SGMS1: variants seen among roughly 807,000 people sequenced by gnomAD.
SGMS1 encodes phosphatidylcholine:ceramide cholinephosphotransferase 1.
In SGMS1, 13 loss-of-function variants were observed where a neutral mutation model predicts 46.2. The observed-to-expected ratio is 0.28, with a 90% CI of 0.18 to 0.45. SGMS1 has a LOEUF of 0.45. SGMS1 is among the 20% of genes least tolerant of loss of function. The pLI is 1.00. For missense variants in SGMS1, 324 were observed against 519.9 expected, an observed-to-expected ratio of 0.62 and a Z score of 3.66; for synonymous variants, 203 against 187.8, an observed-to-expected ratio of 1.08 and a Z score of -0.66.
chr10:50,365,545 C>T (rs111275019), intron 6 of SGMS1, among the ~76,000 whole-genome samples: 8 of 152,216 alleles, frequency 5.3e-5, no homozygotes, highest in African/African-American at 1.9e-4. Flanking sequence ...TTAAGTACCA[C>T]ATGCATTTGT....
chr10:50,562,397 C>G (rs569757867), intron 2 of SGMS1, among the ~76,000 whole-genome samples: 1 of 151,750 alleles, frequency 6.6e-6, no homozygotes, highest in Non-Finnish European at 1.5e-5. Flanking sequence ...GGCGCGCATG[C>G]GCACTCTTAC....
intron 6 of SGMS1, among the ~76,000 whole-genome samples, chr10:50,398,953 C>A (rs1848890154): frequency 6.6e-6 from 1 of 151,690 alleles, no homozygotes; most frequent in Admixed American, 6.6e-5. Context: ...TATGAAATGT[C>A]CAGGACCGGA....
chr10:50,367,585 C>T (rs1848366527), intron 6 of SGMS1, among the ~76,000 whole-genome samples: 1 of 151,464 alleles, frequency 6.6e-6, no homozygotes, highest in Non-Finnish European at 1.5e-5. Context: ...TTAAGAAAAG[C>T]ACATGTAGAT....
At chr10:50,525,135 T>A (rs190788421) in intron 2 of SGMS1, among the ~76,000 whole-genome samples, 7 of 152,244 alleles carry the variant, frequency 4.6e-5, no homozygotes, top group African/African-American at 1.7e-4. Flanking sequence ...GAGGAAAGAA[T>A]CTGGAATATT....
At chr10:50,431,035 C>T (rs191685700) in intron 6 of SGMS1, among the ~76,000 whole-genome samples, 5 of 152,148 alleles carry the variant, frequency 3.3e-5, no homozygotes, top group Admixed American at 6.5e-5. Flanking sequence ...CCACATAAGG[C>T]CCATTCTGTT....
chr10:50,425,506 A>C (rs1849313420), intron 6 of SGMS1, among the ~76,000 whole-genome samples: 1 of 152,222 alleles, frequency 6.6e-6, no homozygotes, highest in Non-Finnish European at 1.5e-5. Flanking sequence ...CAGAAAACCA[A>C]ATACCACATA....
intron 6 of SGMS1, among the ~76,000 whole-genome samples, chr10:50,353,673 T>TTTA (rs1394976645): frequency 6.6e-6 from 1 of 152,292 alleles, no homozygotes; most frequent in African/African-American, 2.4e-5. Flanking sequence ...ATGACATGAT[T>TTTA]TTATATCTAG....
intron 3 of SGMS1, among the ~76,000 whole-genome samples, chr10:50,478,563 T>C (rs937148947): frequency 6.6e-6 from 1 of 152,170 alleles, no homozygotes; most frequent in Non-Finnish European, 1.5e-5. Flanking sequence ...AGGAGGTTAA[T>C]TGTACCATCC....
At chr10:50,535,475 C>T (rs1837992401) in intron 2 of SGMS1, among the ~76,000 whole-genome samples, 1 of 151,948 alleles carries the variant, frequency 6.6e-6, no homozygotes, top group South Asian at 2.1e-4. Context: ...AAGCGATTCT[C>T]CTGCCTCAGC....
chr10:50,477,165 C>T (rs1007393403), intron 3 of SGMS1, among the ~76,000 whole-genome samples: 1 of 152,230 alleles, frequency 6.6e-6, no homozygotes, highest in Non-Finnish European at 1.5e-5. Context: ...CCCTGCAGAG[C>T]CACAAGAGTG....
intron 6 of SGMS1, among the ~76,000 whole-genome samples, chr10:50,347,360 G>A (rs11005290): frequency 2.0e-5 from 3 of 152,134 alleles, no homozygotes; most frequent in South Asian, 4.1e-4. Context: ...ATTTGGACGC[G>A]CAAGGAGAAT....
At chr10:50,474,551 T>G (rs897044759) in intron 3 of SGMS1, among the ~76,000 whole-genome samples, 3 of 152,242 alleles carry the variant, frequency 2.0e-5, no homozygotes, top group African/African-American at 7.2e-5. Context: ...ATTCTCATTC[T>G]ATTAAATTCA....
intron 6 of SGMS1, among the ~76,000 whole-genome samples, chr10:50,430,121 T>C (rs1849385969): frequency 1.3e-5 from 2 of 152,118 alleles, no homozygotes; most frequent in South Asian, 4.1e-4. Flanking sequence ...TCCTTCTACC[T>C]AGAGTGTCCC....
chr10:50,325,484 C>G (rs1240823132), intron 8 of SGMS1, among the ~76,000 whole-genome samples: 1 of 152,102 alleles, frequency 6.6e-6, no homozygotes, highest in African/African-American at 2.4e-5. Context: ...AAATGAGCAA[C>G]ACGTTTGAGT....
intron 6 of SGMS1, among the ~76,000 whole-genome samples, chr10:50,380,836 A>AT: frequency 6.6e-6 from 1 of 152,050 alleles, no homozygotes; most frequent in Admixed American, 6.6e-5. Context: ...ATTTGATGGC[A>AT]TTTTTCTTTT....
chr10:50,433,890 C>T (rs12257419), intron 5 of SGMS1, among the ~76,000 whole-genome samples: 31,931 of 152,068 alleles, frequency 0.21, 3,379 homozygotes, highest in Admixed American at 0.24. Context: ...CATCTCTCCT[C>T]CCTAACCCCT....
intron 6 of SGMS1, among the ~76,000 whole-genome samples, chr10:50,414,922 C>A (rs1011427564): frequency 6.6e-6 from 1 of 152,206 alleles, no homozygotes; most frequent in Non-Finnish European, 1.5e-5. Context: ...ATCTATACCG[C>A]TATCCAATCC....
chr10:50,589,300 C>G (rs944321081), intron 2 of SGMS1, among the ~76,000 whole-genome samples: 1 of 152,134 alleles, frequency 6.6e-6, no homozygotes, highest in Non-Finnish European at 1.5e-5. Context: ...GACTCACTGT[C>G]GCCCAGCCTG....
chr10:50,435,651 G>C (rs1456745199), intron 5 of SGMS1, among the ~76,000 whole-genome samples: 1 of 152,150 alleles, frequency 6.6e-6, no homozygotes, highest in African/African-American at 2.4e-5. Flanking sequence ...AAGAGGGAAT[G>C]AATCACTTCC....
Sources: gnomAD v4.1 joint callset for allele counts (sites outside exome capture counted in the v4.1 genomes callset) on GRCh38, gnomAD v4.1.1 for gene constraint, MANE v1.5 for transcripts, NCBI Gene and HGNC (gene_info 2026-07-23, HGNC 2026-07-21) for gene names.